Variants in NGF observed in about 807,000 individuals in gnomAD.
NGF encodes the protein nerve growth factor, also known as beta-nerve growth factor.
In NGF, 4 loss-of-function variants were observed where a neutral mutation model predicts 12.8. That is an observed-to-expected ratio of 0.31 (90% CI 0.15 to 0.72). The LOEUF is 0.72. Ranked by LOEUF, NGF falls within the 30% of genes least tolerant of loss-of-function variation. The probability of loss-of-function intolerance (pLI) is 0.69; values close to 1 mark genes in which losing one functional copy is unlikely to be tolerated. For synonymous variants in NGF, 140 were observed against 130.0 expected, an observed-to-expected ratio of 1.08 and a Z score of -0.52; for missense variants, 283 against 330.8, an observed-to-expected ratio of 0.86 and a Z score of 1.12.
At chr1:115,311,015 C>A (rs1370101567) in intron 1 of NGF, among the ~76,000 whole-genome samples, 1 of 152,072 alleles carries the variant, frequency 6.6e-6, no homozygotes, top group Non-Finnish European at 1.5e-5. Context: ...AGGCCACATG[C>A]AAAGTAGGTA....
At chr1:115,294,041 T>C in intron 1 of NGF, among the ~76,000 whole-genome samples, 1 of 152,238 alleles carries the variant, frequency 6.6e-6, no homozygotes, top group Non-Finnish European at 1.5e-5. Context: ...TCTAGACACA[T>C]GCCAAAGTCT....
intron 1 of NGF, among the ~76,000 whole-genome samples, chr1:115,333,598 T>G (rs1444812534): frequency 6.6e-6 from 1 of 151,810 alleles, no homozygotes; most frequent in African/African-American, 2.4e-5. Context: ...ACCTGACAGA[T>G]TTCATCATCA....
intron 1 of NGF, among the ~76,000 whole-genome samples, chr1:115,319,620 T>C (rs1024872669): frequency 1.3e-5 from 2 of 152,316 alleles, no homozygotes; most frequent in East Asian, 3.9e-4. Flanking sequence ...ATCAGTTGTT[T>C]TTAAAACTTG....
chr1:115,287,667 T>C (rs377179955), intron 2 of NGF, among the ~76,000 whole-genome samples: 1 of 152,222 alleles, frequency 6.6e-6, no homozygotes, highest in African/African-American at 2.4e-5. Flanking sequence ...GAATCCAAAG[T>C]TGACCCCTTA....
chr1:115,305,903 A>T (rs1038778115), intron 1 of NGF, among the ~76,000 whole-genome samples: 4 of 152,216 alleles, frequency 2.6e-5, no homozygotes, highest in African/African-American at 9.6e-5. Flanking sequence ...TGGGCTGAGG[A>T]TGTGATTCTC....
intron 1 of NGF, among the ~76,000 whole-genome samples, chr1:115,297,072 T>TA (rs1404146986): frequency 3.5e-4 from 48 of 138,552 alleles, no homozygotes; most frequent in African/African-American, 1.1e-3. Context: ...TTTCATGCTT[T>TA]AAAGCAGTGG....
intron 1 of NGF, among the ~76,000 whole-genome samples, chr1:115,302,816 G>T (rs893017126): frequency 6.6e-6 from 1 of 152,196 alleles, no homozygotes; most frequent in African/African-American, 2.4e-5. Flanking sequence ...CCAGGGCCAC[G>T]TACCTATCCT....
At chr1:115,293,311 AC>A (rs1415047878) in intron 2 of NGF, among the ~76,000 whole-genome samples, 1 of 152,108 alleles carries the variant, frequency 6.6e-6, no homozygotes, top group African/African-American at 2.4e-5. Flanking sequence ...GCTCAGTCGG[AC>A]CAGAGAGTTG....
At chr1:115,303,816 C>G (rs554773355) in intron 1 of NGF, among the ~76,000 whole-genome samples, 4 of 152,274 alleles carry the variant, frequency 2.6e-5, no homozygotes, top group Admixed American at 6.5e-5. Flanking sequence ...GTAGAATCAC[C>G]AGAGGCAGAA....
At chr1:115,305,852 C>T (rs780011261) in intron 1 of NGF, among the ~76,000 whole-genome samples, 29 of 152,160 alleles carry the variant, frequency 1.9e-4, no homozygotes, top group Non-Finnish European at 4.0e-4. Context: ...AATTCTGAGA[C>T]TGTGAAGAAA....
At chr1:115,321,199 G>A (rs1381483745) in intron 1 of NGF, among the ~76,000 whole-genome samples, 1 of 152,188 alleles carries the variant, frequency 6.6e-6, no homozygotes, top group East Asian at 1.9e-4. Context: ...TGGCTAGTCT[G>A]TAAGCCCCGT....
chr1:115,332,833 T>C (rs890546801), intron 1 of NGF, among the ~76,000 whole-genome samples: 1 of 152,204 alleles, frequency 6.6e-6, no homozygotes, highest in Non-Finnish European at 1.5e-5. Context: ...TGACTTCTTT[T>C]TCTGAAAGTG....
Position 115,324,765 on chromosome 1 carries a change from G to A in NGF, c.-137+13439C>T, listed in dbSNP as rs193209706. On this transcript the variant is annotated intron_variant, in intron 1 of 2. Transcript: ENST00000369512. ...ACAGGGCAGCCCATGGCTGGTCTAC[G>A]CCAGAAAGCATTCCCTGAAATGCTA... 1.8e-4 allele frequency among the ~76,000 whole-genome samples: 28 copies of A among 152,226 alleles called. No individual in the cohort carries two copies. The South Asian group carries it at 2.5e-3, about 14-fold the overall frequency.
In NGF at chr1:115,332,939, C is replaced by T. The variant is rs116475459; in HGVS notation, c.-137+5265G>A. Among the ~76,000 whole-genome samples, 501 of 152,290 alleles carry T rather than the reference C, an allele frequency of 3.3e-3. 2 individuals are homozygous for T. The highest frequency in any genetic ancestry group is 0.011 in the African/African-American group (463 of 41,546). On this transcript the variant is annotated intron_variant, in intron 1 of 2. Coordinates refer to ENST00000369512, the MANE Select transcript of NGF (RefSeq NM_002506.3). ...CATAGTGATGAGGCAGTACCTCAAT[C>T]GTTGACCTCTCAGCCAGGTCTGCTC... is the stretch of plus-strand genomic sequence containing the variant.
At chr1:115,292,753 T>G (rs961045840) in intron 2 of NGF, among the ~76,000 whole-genome samples, 1 of 152,198 alleles carries the variant, frequency 6.6e-6, no homozygotes, top group South Asian at 2.1e-4. Context: ...TTCAACAGAT[T>G]GTAAGTTTTA....
chr1:115,309,958 C>CT (rs1048645040), intron 1 of NGF, among the ~76,000 whole-genome samples: 4 of 152,266 alleles, frequency 2.6e-5, no homozygotes, highest in African/African-American at 7.2e-5. Flanking sequence ...ATGTGTATGA[C>CT]TTTTTTCCTG....
intron 1 of NGF, among the ~76,000 whole-genome samples, chr1:115,317,432 C>A (rs1654502042): frequency 6.6e-6 from 1 of 152,160 alleles, no homozygotes; most frequent in East Asian, 1.9e-4. Context: ...TGACCCAGAG[C>A]CTTTTGGAGC....
intron 1 of NGF, among the ~76,000 whole-genome samples, chr1:115,332,428 CA>C (rs2101056470): frequency 6.6e-6 from 1 of 152,114 alleles, no homozygotes; most frequent in Admixed American, 6.5e-5. Context: ...TCAATGCAAC[CA>C]AAAAGATTTC....
chr1:115,330,806 AT>A (rs1365897986), intron 1 of NGF, among the ~76,000 whole-genome samples: 25 of 151,968 alleles, frequency 1.6e-4, no homozygotes, highest in Non-Finnish European at 3.5e-4. Flanking sequence ...AGATTTACGA[AT>A]TTTTTTTATT....
Sources: allele counts gnomAD v4.1 joint callset (sites outside exome capture counted in the v4.1 genomes callset), GRCh38; gene constraint gnomAD v4.1.1; transcripts MANE v1.5; gene names NCBI Gene and HGNC (gene_info 2026-07-23, HGNC 2026-07-21).